Variants in ARMC3 observed in about 807,000 individuals in gnomAD.
ARMC3 encodes the protein armadillo repeat containing 3.
ARMC3 carries 74 observed loss-of-function variants against 90.3 expected under a neutral mutation model. The observed-to-expected ratio is 0.82, with a 90% confidence interval of 0.68 to 0.99. The LOEUF is 0.99. ARMC3 is among the 50% of genes least tolerant of loss of function. The pLI, the probability that ARMC3 is intolerant of heterozygous loss-of-function variation, is 0.00. For synonymous variants in ARMC3, 334 were observed against 361.8 expected, an observed-to-expected ratio of 0.92 and a Z score of 0.87; for missense variants, 958 against 1,042.8, an observed-to-expected ratio of 0.92 and a Z score of 1.12.
intron 16 of ARMC3, among the ~76,000 whole-genome samples, chr10:23,024,487 T>G (rs1364613820): frequency 6.6e-6 from 1 of 152,186 alleles, no homozygotes; most frequent in African/African-American, 2.4e-5. Flanking sequence ...AAGTCACATT[T>G]GATGATTGAA....
intron 10 of ARMC3, among the ~76,000 whole-genome samples, chr10:22,991,841 T>C (rs1343519247): frequency 1.3e-5 from 2 of 152,292 alleles, no homozygotes; most frequent in Admixed American, 6.5e-5. Context: ...ATCCTTATTA[T>C]TTAGTTAAGA....
chr10:22,969,742 G>T (rs1835601856), intron 8 of ARMC3, among the ~76,000 whole-genome samples: 1 of 152,200 alleles, frequency 6.6e-6, no homozygotes, highest in South Asian at 2.1e-4. Context: ...GACCCGAAGA[G>T]AAGTAAAATG....
chr10:23,007,976 T>G (rs1837707591), intron 14 of ARMC3, among the ~76,000 whole-genome samples: 1 of 152,064 alleles, frequency 6.6e-6, no homozygotes, highest in South Asian at 2.1e-4. Flanking sequence ...TGGTAGCACA[T>G]GCCTGTAGTC....
intron 8 of ARMC3, among the ~76,000 whole-genome samples, chr10:22,970,663 G>C (rs1413833878): frequency 2.0e-5 from 3 of 152,200 alleles, no homozygotes; most frequent in South Asian, 2.1e-4. Flanking sequence ...GCGGTGTTCA[G>C]GACTGGCTCA....
chr10:22,991,563 T>G (rs1334115625), intron 10 of ARMC3, among the ~76,000 whole-genome samples: 3 of 152,050 alleles, frequency 2.0e-5, no homozygotes, highest in Non-Finnish European at 4.4e-5. Context: ...AAGGAACACA[T>G]CAGGCCTACA....
intron 1 of ARMC3, among the ~76,000 whole-genome samples, chr10:22,929,353 A>T (rs1833845009): frequency 6.6e-6 from 1 of 151,730 alleles, no homozygotes; most frequent in East Asian, 1.9e-4. Context: ...AAAGAAAAGA[A>T]ATAGTATTGA....
chr10:23,009,467 T>C (rs1228996910), intron 16 of ARMC3, among the ~76,000 whole-genome samples: 1 of 149,238 alleles, frequency 6.7e-6, no homozygotes, highest in Non-Finnish European at 1.5e-5. Flanking sequence ...GGGACAATTA[T>C]AATGTCGTTT....
At chr10:22,953,298 A>G (rs1449260266) in intron 3 of ARMC3, among the ~76,000 whole-genome samples, 1 of 152,224 alleles carries the variant, frequency 6.6e-6, no homozygotes, top group African/African-American at 2.4e-5. Context: ...AATTTCACCT[A>G]CTGAGATATA....
At chr10:22,946,036 C>T (rs1446555337) in intron 2 of ARMC3, 108 bp from the exon 3 acceptor site, 7 of 757,084 alleles carry the variant, frequency 9.2e-6, no homozygotes, top group African/African-American at 8.9e-5. Context: ...GCAGTGACCA[C>T]ATCCTTTTTG....
chr10:23,034,350 T>C (rs944695256), intron 18 of ARMC3, among the ~76,000 whole-genome samples: 1 of 152,352 alleles, frequency 6.6e-6, no homozygotes, highest in South Asian at 2.1e-4. Context: ...CCTATTACCA[T>C]GACTAACATC....
At chr10:22,955,625 G>T (rs1283285826) in intron 3 of ARMC3, among the ~76,000 whole-genome samples, 182 bp from the exon 4 acceptor site, 1 of 152,182 alleles carries the variant, frequency 6.6e-6, no homozygotes, top group Non-Finnish European at 1.5e-5. Context: ...TGTAAACAGG[G>T]GAAGGGAGAG....
At chr10:22,960,981 C>G (rs1485689574) in intron 6 of ARMC3, 2 of 152,356 alleles carry the variant, frequency 1.3e-5, no homozygotes, top group South Asian at 4.1e-4. Flanking sequence ...CACCTTACTC[C>G]AGGATGACCT....
chr10:22,971,441 GTTTT>G (rs766355258), intron 8 of ARMC3, among the ~76,000 whole-genome samples: 3 of 128,540 alleles, frequency 2.3e-5, no homozygotes, highest in Non-Finnish European at 1.7e-5. Context: ...TATATTTTTA[GTTTT>G]TTTTTTTTTT....
intron 7 of ARMC3, among the ~76,000 whole-genome samples, chr10:22,964,555 C>T (rs1835366619): frequency 1.3e-5 from 2 of 151,528 alleles, no homozygotes; most frequent in Admixed American, 1.3e-4. Context: ...TTTTCCTACT[C>T]AGCCTCCCAA....
intron 8 of ARMC3, among the ~76,000 whole-genome samples, chr10:22,980,631 C>T (rs1419079965): frequency 6.6e-6 from 1 of 151,604 alleles, no homozygotes; most frequent in African/African-American, 2.4e-5. Context: ...CAAATGAAGC[C>T]AAGAGAAAAC....
At chr10:22,932,072 C>CA in intron 2 of ARMC3, 28 bp downstream of exon 2, 1 of 1,558,970 alleles carries the variant, frequency 6.4e-7, no homozygotes. Flanking sequence ...ATACTAGTAG[C>CA]ACTTTAACAA....
At chr10:22,978,324 T>G (rs1169820091) in intron 8 of ARMC3, among the ~76,000 whole-genome samples, 2 of 152,188 alleles carry the variant, frequency 1.3e-5, no homozygotes. Flanking sequence ...AGCACCTCTT[T>G]GCAGGGTGGC....
intron 1 of ARMC3, among the ~76,000 whole-genome samples, chr10:22,928,597 C>T (rs567843200): frequency 9.9e-5 from 15 of 152,198 alleles, no homozygotes; most frequent in African/African-American, 3.6e-4. Flanking sequence ...GAAGTTTTCA[C>T]CCAGTTAATT....
At chr10:22,988,163 A>T (rs1836543422) in intron 10 of ARMC3, among the ~76,000 whole-genome samples, 1 of 152,244 alleles carries the variant, frequency 6.6e-6, no homozygotes, top group Non-Finnish European at 1.5e-5. Context: ...CTAATATAGA[A>T]ATAAAGCATT....
Sources: gnomAD v4.1 joint callset for allele counts (sites outside exome capture counted in the v4.1 genomes callset) on GRCh38, gnomAD v4.1.1 for gene constraint, MANE v1.5 for transcripts, NCBI Gene and HGNC (gene_info 2026-07-23, HGNC 2026-07-21) for gene names.